Variants in CGNL1 observed in about 807,000 individuals in gnomAD.
CGNL1 encodes the protein cingulin-like protein 1.
CGNL1 carries 132 observed loss-of-function variants against 141.2 expected under a neutral mutation model. The observed-to-expected ratio is 0.93, with a 90% CI of 0.81 to 1.08. The LOEUF (loss-of-function observed/expected upper bound fraction) is 1.08, where lower values mean the gene tolerates loss of function less well. Ranked by LOEUF, CGNL1 falls within the 50% of genes least tolerant of loss-of-function variation. The pLI is 0.00. For synonymous variants in CGNL1, 690 were observed against 622.1 expected (o/e 1.11, Z -1.63); for missense variants, 1,870 against 1,588.6 (o/e 1.18, Z -3.01).
chr15:57,454,264 A>G (rs1365694548), intron 7 of CGNL1, among the ~76,000 whole-genome samples: 1 of 152,212 alleles, frequency 6.6e-6, no homozygotes, highest in Non-Finnish European at 1.5e-5. Context: ...TGTGGTTTGT[A>G]GGAATAGCCC....
intron 13 of CGNL1, among the ~76,000 whole-genome samples, chr15:57,530,621 C>T (rs1298479660): frequency 6.6e-6 from 1 of 152,306 alleles, no homozygotes; most frequent in African/African-American, 2.4e-5. Context: ...TCAGGAACCA[C>T]TGAATAAACA....
intron 10 of CGNL1, 114 bp from the exon 11 acceptor site, chr15:57,523,375 G>T: frequency 1.2e-6 from 1 of 827,106 alleles, no homozygotes; most frequent in Non-Finnish European, 1.9e-6. Flanking sequence ...TCCTCATCAC[G>T]GATTTAACAG....
intron 1 of CGNL1, among the ~76,000 whole-genome samples, chr15:57,380,988 G>A (rs1234906487): frequency 1.3e-5 from 2 of 152,232 alleles, no homozygotes; most frequent in African/African-American, 4.8e-5. Context: ...TACCATGGTT[G>A]CTGTAGCTCA....
At chr15:57,436,981 T>A (rs779508651) in intron 1 of CGNL1, among the ~76,000 whole-genome samples, 35 of 151,904 alleles carry the variant, frequency 2.3e-4, no homozygotes, top group Admixed American at 9.8e-4. Flanking sequence ...AAAAAGTCTC[T>A]CAAAAGTGGA....
At chr15:57,440,566 T>G in intron 3 of CGNL1, 95 bp downstream of exon 3, 1 of 967,740 alleles carries the variant, frequency 1.0e-6, no homozygotes, top group Non-Finnish European at 1.6e-6. Context: ...CCTTCCTTTC[T>G]TGCCCTGTGC....
At chr15:57,432,359 T>G (rs1376845442) in intron 1 of CGNL1, among the ~76,000 whole-genome samples, 1 of 152,198 alleles carries the variant, frequency 6.6e-6, no homozygotes, top group Non-Finnish European at 1.5e-5. Context: ...GCTGATAACA[T>G]GTGATGGCCC....
intron 10 of CGNL1, among the ~76,000 whole-genome samples, chr15:57,521,657 C>A (rs972081751): frequency 7.9e-5 from 12 of 152,148 alleles, no homozygotes; most frequent in African/African-American, 2.4e-4. Flanking sequence ...TGTTGGCAGG[C>A]CCTAGGCCCA....
At chr15:57,452,673 A>G (rs1018325496) in intron 6 of CGNL1, among the ~76,000 whole-genome samples, 2 of 146,258 alleles carry the variant, frequency 1.4e-5, no homozygotes, top group Admixed American at 1.4e-4. Flanking sequence ...CAGCCTGTGC[A>G]TTTTATCCTC....
intron 8 of CGNL1, among the ~76,000 whole-genome samples, chr15:57,472,838 A>G (rs1595740897): frequency 6.6e-6 from 1 of 152,194 alleles, no homozygotes; most frequent in African/African-American, 2.4e-5. Context: ...GAAGGTTTGT[A>G]GGAGGAAAGT....
intron 14 of CGNL1, among the ~76,000 whole-genome samples, chr15:57,539,182 T>C (rs2032429953): frequency 6.6e-6 from 1 of 152,098 alleles, no homozygotes; most frequent in Non-Finnish European, 1.5e-5. Context: ...CCACAGCAAC[T>C]AGATTTCTTT....
chr15:57,410,697 T>C (rs763989205), intron 1 of CGNL1, among the ~76,000 whole-genome samples: 12 of 152,240 alleles, frequency 7.9e-5, no homozygotes, highest in Admixed American at 3.9e-4. Context: ...CTATATTATC[T>C]GCTAAACTAG....
chr15:57,518,148 TAAAAAA>T (rs1174693313), intron 9 of CGNL1, among the ~76,000 whole-genome samples: 1 of 116,626 alleles, frequency 8.6e-6, no homozygotes, highest in Non-Finnish European at 1.9e-5. Context: ...TCTAAAAAAA[TAAAAAA>T]TAAAAAATCA....
intron 15 of CGNL1, among the ~76,000 whole-genome samples, chr15:57,544,119 A>G (rs1349608693): frequency 1.3e-5 from 2 of 152,164 alleles, no homozygotes; most frequent in African/African-American, 4.8e-5. Context: ...ATTTCTGTTC[A>G]TGTTCTTCAC....
intron 8 of CGNL1, among the ~76,000 whole-genome samples, chr15:57,476,750 C>G (rs937040323): frequency 6.6e-6 from 1 of 152,138 alleles, no homozygotes; most frequent in Non-Finnish European, 1.5e-5. Context: ...TTGTTTGAAC[C>G]AGCATTATTA....
intron 8 of CGNL1, among the ~76,000 whole-genome samples, chr15:57,509,490 A>G (rs1267132622): frequency 6.6e-6 from 1 of 152,222 alleles, no homozygotes; most frequent in East Asian, 1.9e-4. Context: ...GAGCCTGTCC[A>G]AGGTGTCGGG....
chr15:57,529,272 A>G (rs1260032281), intron 13 of CGNL1, among the ~76,000 whole-genome samples: 1 of 152,134 alleles, frequency 6.6e-6, no homozygotes, highest in African/African-American at 2.4e-5. Flanking sequence ...ATTTTCCCTT[A>G]GAGGTTATTG....
chr15:57,484,308 A>T (rs1430561645), intron 8 of CGNL1, among the ~76,000 whole-genome samples: 7 of 152,208 alleles, frequency 4.6e-5, no homozygotes, highest in Non-Finnish European at 8.8e-5. Flanking sequence ...TCAAATTATT[A>T]TATTTAATAT....
At chr15:57,481,437 G>A (rs1326386875) in intron 8 of CGNL1, among the ~76,000 whole-genome samples, 1 of 152,096 alleles carries the variant, frequency 6.6e-6, no homozygotes, top group Non-Finnish European at 1.5e-5. Context: ...GAATCATACA[G>A]AATGTAACCT....
intron 8 of CGNL1, among the ~76,000 whole-genome samples, chr15:57,473,518 T>C (rs2063609379): frequency 6.6e-6 from 1 of 152,198 alleles, no homozygotes. Context: ...TCTTGCTCCA[T>C]TATAGTCCCT....
Sources: gnomAD v4.1 joint callset for allele counts (sites outside exome capture counted in the v4.1 genomes callset) on GRCh38, gnomAD v4.1.1 for gene constraint, MANE v1.5 for transcripts, NCBI Gene and HGNC (gene_info 2026-07-23, HGNC 2026-07-21) for gene names.